RMP24: variants seen among roughly 807,000 people sequenced by gnomAD.
RMP24 encodes the protein ribonuclease MRP subunit p24.
At chr18:35,972,952 C>T in the RMP24 span, 1 of 1,610,896 alleles carries the variant, frequency 6.2e-7, no homozygotes, top group Non-Finnish European at 8.5e-7. Context: ...CTTGTCGCCC[C>T]GCTTTCCTCT....
At chr18:35,976,312 G>A in the RMP24 span, among the ~76,000 whole-genome samples, 1 of 151,932 alleles carries the variant, frequency 6.6e-6, no homozygotes, top group Admixed American at 6.6e-5. Flanking sequence ...ACCACGCCCG[G>A]CTGATTTATT....
the RMP24 span, chr18:35,974,800 T>C: frequency 6.2e-6 from 7 of 1,134,318 alleles, no homozygotes; most frequent in East Asian, 4.8e-5. Context: ...TATCTGCTTA[T>C]ATTAAATTTC....
At chr18:35,977,263 G>A in the RMP24 span, 2 of 635,182 alleles carry the variant, frequency 3.1e-6, no homozygotes, top group African/African-American at 1.9e-5. Context: ...CTACTAGATT[G>A]CAAGTTCCCC....
At chr18:35,977,339 A>G in the RMP24 span, 167 of 1,413,536 alleles carry the variant, frequency 1.2e-4, no homozygotes, top group African/African-American at 2.3e-4. Flanking sequence ...TAAGAATTCA[A>G]TGAACCTGTG....
chr18:35,977,296 AC>A, the RMP24 span: 1 of 870,320 alleles, frequency 1.1e-6, no homozygotes, highest in Non-Finnish European at 1.7e-6. Flanking sequence ...TATTTTACTT[AC>A]CCCTATAGTA....
the RMP24 span, chr18:35,972,724 C>T: frequency 3.5e-5 from 56 of 1,605,448 alleles, no homozygotes; most frequent in Non-Finnish European, 4.5e-5. Context: ...GCAGCGGCGG[C>T]GGCGATGAGA....
the RMP24 span, among the ~76,000 whole-genome samples, chr18:35,975,741 T>C: frequency 2.0e-5 from 3 of 152,260 alleles, no homozygotes; most frequent in African/African-American, 7.2e-5. Context: ...AAGTGCCTGC[T>C]TATTGTCTAT....
the RMP24 span, among the ~76,000 whole-genome samples, chr18:35,975,771 C>T: frequency 4.6e-5 from 7 of 152,232 alleles, no homozygotes; most frequent in Non-Finnish European, 8.8e-5. Flanking sequence ...GGGCACTGGA[C>T]ATTATGACAG....
the RMP24 span, chr18:35,974,991 A>T: frequency 2.5e-6 from 4 of 1,614,176 alleles, no homozygotes; most frequent in Non-Finnish European, 3.4e-6. Context: ...AGCCAGGTTG[A>T]CACCCAAAAT....
the RMP24 span, among the ~76,000 whole-genome samples, chr18:35,975,337 G>T: frequency 1.3e-5 from 2 of 152,164 alleles, no homozygotes. Context: ...AGATCCCATT[G>T]TTGAGCATTA....
the RMP24 span, chr18:35,977,327 T>C: frequency 4.5e-6 from 6 of 1,321,250 alleles, no homozygotes; most frequent in South Asian, 8.6e-5. Context: ...GTCCCTGACA[T>C]TTAAGAATTC....
the RMP24 span, chr18:35,972,969 C>T: frequency 6.2e-7 from 1 of 1,601,620 alleles, no homozygotes; most frequent in Non-Finnish European, 8.6e-7. Context: ...CTCTGTTCCG[C>T]ACAACGCTCA....
At chr18:35,977,476 A>C in the RMP24 span, 1 of 1,614,172 alleles carries the variant, frequency 6.2e-7, no homozygotes, top group Non-Finnish European at 8.5e-7. Context: ...CTTTGTGTCA[A>C]CATTGAAGAG....
chr18:35,974,990 G>A, the RMP24 span: 2 of 1,613,992 alleles, frequency 1.2e-6, no homozygotes, highest in Non-Finnish European at 1.7e-6. Flanking sequence ...AAGCCAGGTT[G>A]ACACCCAAAA....
the RMP24 span, chr18:35,978,920 T>G: frequency 1.9e-5 from 30 of 1,613,406 alleles, 1 homozygote; most frequent in South Asian, 3.2e-4. Flanking sequence ...ACTAAAAATG[T>G]TACTTAGTCA....
At chr18:35,979,032 CTA>C in the RMP24 span, 1 of 1,537,500 alleles carries the variant, frequency 6.5e-7, no homozygotes. Context: ...AATTCTGAAA[CTA>C]AAGTTGGTAA....
chr18:35,973,129 T>C, the RMP24 span: 2 of 625,070 alleles, frequency 3.2e-6, no homozygotes, highest in African/African-American at 3.7e-5. Flanking sequence ...TGAAATAGTT[T>C]CCTCCCTTGG....
At chr18:35,975,650 C>T in the RMP24 span, among the ~76,000 whole-genome samples, 4 of 152,194 alleles carry the variant, frequency 2.6e-5, no homozygotes, top group Admixed American at 1.3e-4. Context: ...AATCAGATTA[C>T]GTACGGTTTA....
chr18:35,979,259 A>T, the RMP24 span: 2 of 253,966 alleles, frequency 7.9e-6, no homozygotes, highest in East Asian at 7.6e-5. Context: ...TATGTATATA[A>T]AGATAGATAT....
Sources: gnomAD v4.1 joint callset for allele counts (sites outside exome capture counted in the v4.1 genomes callset) on GRCh38, gnomAD v4.1.1 for gene constraint, MANE v1.5 for transcripts, NCBI Gene and HGNC (gene_info 2026-07-23, HGNC 2026-07-21) for gene names.